PLEKHH2: variants seen among roughly 807,000 people sequenced by gnomAD.
PLEKHH2 encodes pleckstrin homology domain-containing family H member 2.
Under a neutral mutation model 187.9 loss-of-function variants are expected in PLEKHH2, and 129 were observed. The ratio of observed to expected loss-of-function variants is 0.69; its 90% CI spans 0.59 to 0.79. The LOEUF (loss-of-function observed/expected upper bound fraction) is 0.79, where lower values mean the gene tolerates loss of function less well. Ranked by LOEUF, PLEKHH2 falls within the 30% of genes least tolerant of loss-of-function variation. PLEKHH2 has a pLI of 0.00. For synonymous variants in PLEKHH2, 686 were observed against 605.6 expected (o/e 1.13, Z -1.95); for missense variants, 2,076 against 1,751.2 (o/e 1.19, Z -3.31).
intron 1 of PLEKHH2, among the ~76,000 whole-genome samples, chr2:43,640,674 T>A (rs562628820): frequency 1.3e-5 from 2 of 152,250 alleles, no homozygotes; most frequent in Non-Finnish European, 2.9e-5. Flanking sequence ...GACTTTGATT[T>A]GCATTTTCTC....
chr2:43,645,866 A>T (rs1666158951), intron 2 of PLEKHH2, among the ~76,000 whole-genome samples: 1 of 152,168 alleles, frequency 6.6e-6, no homozygotes, highest in African/African-American at 2.4e-5. Flanking sequence ...TTTCTGAAAC[A>T]CTAATCTGCA....
At chr2:43,704,126 A>T in intron 9 of PLEKHH2, 70 bp downstream of exon 9, 1 of 1,069,360 alleles carries the variant, frequency 9.4e-7, no homozygotes, top group Non-Finnish European at 1.4e-6. Flanking sequence ...GTATAATACA[A>T]ATACATGGTA....
In PLEKHH2 at chr2:43,699,912, C is replaced by G; in HGVS notation, c.954C>G (p.Ser318Arg). 6.2e-7 allele frequency: 1 copy of G among 1,614,100 alleles called. No homozygotes were observed. The highest frequency in any genetic ancestry group is 8.5e-7 in the Non-Finnish European group (1 of 1,180,008). ...SHTSEEGVQC[S>R]RMGSEMYLTA... ...CATCTGAGGAAGGGGTCCAGTGTAGCAGGATGGGAAGTGAAATGTATCTGA... is the reference window on the plus strand; with the variant it reads ...CATCTGAGGAAGGGGTCCAGTGTAGGAGGATGGGAAGTGAAATGTATCTGA... The change falls in exon 8 of 30, where the codon AGC becomes AGG. Residue 318 changes from serine (S) to arginine (R), a missense_variant. Physicochemically the swap from Ser to Arg is moderately radical, Grantham distance 110. Coordinates refer to ENST00000282406, the MANE Select transcript of PLEKHH2 (RefSeq NM_172069.4).
chr2:43,675,508 G>C, intron 2 of PLEKHH2: 5 of 1,614,006 alleles, frequency 3.1e-6, no homozygotes, highest in Non-Finnish European at 4.2e-6. Flanking sequence ...GAAAGTAATA[G>C]CCATATCTGA....
Position 43,678,743 on chromosome 2 carries a change from G to GGTGGAA in PLEKHH2, c.124-115_124-114insAGTGGA, listed in dbSNP as rs1201646841. On this transcript the variant is annotated intron_variant, in intron 2 of 29. Coordinates refer to ENST00000282406, the MANE Select transcript of PLEKHH2 (RefSeq NM_172069.4). ...GACCGTGGGTAGAGGTGGAAGTGGA[G>GGTGGAA]GTGGAGGTGGAGGTGGAGGTGGAGG... is the stretch of plus-strand genomic sequence containing the variant. The GGTGGAA allele has an allele frequency of 1.3e-5, 8 of 613,356 alleles. No individual in the cohort carries two copies. In the African/African-American group the frequency reaches 1.6e-4, roughly 12 times the overall value. 38.0% of individuals were successfully genotyped at this position (613,356 alleles called of 1,614,324 possible). A position where few individuals can be genotyped will look rare whatever the true frequency, so the allele number is the denominator to read the frequency against.
chr2:43,734,397 T>C (rs1671192371), intron 19 of PLEKHH2, among the ~76,000 whole-genome samples: 1 of 152,162 alleles, frequency 6.6e-6, no homozygotes, highest in African/African-American at 2.4e-5. Context: ...ATCATTCAAC[T>C]CAATAGCAAA....
At chr2:43,681,138 C>G in intron 3 of PLEKHH2, 2 of 780,828 alleles carry the variant, frequency 2.6e-6, no homozygotes, top group Non-Finnish European at 4.3e-6. Context: ...CAAGGAGCCT[C>G]CTGCAACACT....
intron 2 of PLEKHH2, among the ~76,000 whole-genome samples, chr2:43,667,010 C>A (rs920904396): frequency 6.6e-6 from 1 of 152,128 alleles, no homozygotes; most frequent in Non-Finnish European, 1.5e-5. Flanking sequence ...AAAACAGACA[C>A]TTAAAATGGG....
intron 2 of PLEKHH2, among the ~76,000 whole-genome samples, chr2:43,674,791 T>C (rs4497913): frequency 0.67 from 101,040 of 151,822 alleles, 34,397 homozygotes; most frequent in Middle Eastern, 0.73. Context: ...TCAAGACCAG[T>C]CTGACCAATA....
At chr2:43,736,164 A>G (rs190200759) in intron 19 of PLEKHH2, among the ~76,000 whole-genome samples, 1 of 152,328 alleles carries the variant, frequency 6.6e-6, no homozygotes, top group Non-Finnish European at 1.5e-5. Context: ...AAAACCCAAA[A>G]GAACAAACTA....
intron 3 of PLEKHH2, 40 bp from the exon 4 acceptor site, chr2:43,692,474 A>T (rs1311229599): frequency 1.3e-6 from 2 of 1,485,742 alleles, no homozygotes; most frequent in African/African-American, 1.4e-5. Context: ...TGATAACCTG[A>T]GTACACACAC....
intron 3 of PLEKHH2, among the ~76,000 whole-genome samples, chr2:43,686,918 G>A (rs887384912): frequency 6.6e-6 from 1 of 151,990 alleles, no homozygotes; most frequent in African/African-American, 2.4e-5. Flanking sequence ...GCAAAGATCC[G>A]TGTGTCCCTC....
intron 2 of PLEKHH2, among the ~76,000 whole-genome samples, chr2:43,654,909 C>G (rs1666675353): frequency 6.6e-6 from 1 of 152,104 alleles, no homozygotes; most frequent in South Asian, 2.1e-4. Context: ...CGCCAGTAGT[C>G]CCAGCTACTC....
Position 43,697,188 on chromosome 2 carries a change from T to C in PLEKHH2, c.520T>C (p.Ser174Pro), listed in dbSNP as rs746212226. 1.3e-6 allele frequency: 2 copies of C among 1,577,850 alleles called. No individual in the cohort carries two copies. The highest frequency in any genetic ancestry group is 1.7e-6 in the Non-Finnish European group (2 of 1,166,878). Reference protein sequence around the residue: ...SKLQEVQGKKSSTVSTLKLSE... With the variant: ...SKLQEVQGKKPSTVSTLKLSE... ...TGTTGTAGAAGTTCAAGGAAAGAAG[T>C]CATCCACTGTCTCTACACTAAAGCT... The change falls in exon 7 of 30, where the codon TCA becomes CCA. Residue 174 changes from serine to proline, a missense_variant. Physicochemically the swap from Ser to Pro is moderately conservative, Grantham distance 74. Transcript: ENST00000282406.
intron 2 of PLEKHH2, among the ~76,000 whole-genome samples, chr2:43,653,828 G>GAA (rs147743688): frequency 6.6e-6 from 1 of 151,790 alleles, no homozygotes; most frequent in African/African-American, 2.4e-5. Flanking sequence ...TTAACTCTAG[G>GAA]AAAAAAAAGA....
chr2:43,743,023 C>G, intron 22 of PLEKHH2, 105 bp downstream of exon 22: 3 of 839,202 alleles, frequency 3.6e-6, no homozygotes, highest in Non-Finnish European at 5.1e-6. Flanking sequence ...CTGGCAGTGA[C>G]AAACATGCAA....
intron 27 of PLEKHH2, among the ~76,000 whole-genome samples, chr2:43,761,252 T>A (rs1672417213): frequency 6.6e-6 from 1 of 151,968 alleles, no homozygotes; most frequent in African/African-American, 2.4e-5. Context: ...ATAGTTAAGA[T>A]TTTTTTTAGG....
At chr2:43,712,690 ATTTAACACGTTT>A (rs1195226368) in intron 15 of PLEKHH2, among the ~76,000 whole-genome samples, 1 of 152,190 alleles carries the variant, frequency 6.6e-6, no homozygotes, top group Non-Finnish European at 1.5e-5. Context: ...TATCATTAAT[ATTTAACACGTTT>A]TTTTCTAATC....
In PLEKHH2 at chr2:43,731,547, C is replaced by T. The variant is rs755739867; in HGVS notation, c.2888C>T (p.Pro963Leu). The T allele has an allele frequency of 1.2e-6, 2 of 1,606,846 alleles. No individual in the cohort carries two copies. Among genetic ancestry groups the T allele is most frequent in the South Asian group, 2.2e-5 (2 of 90,670 alleles). ...CACAGTAAAGAAGGAATCATTTCCCCTCTGACAACTCTACCTTCCGAAGCC... is the reference window on the plus strand; with the variant it reads ...CACAGTAAAGAAGGAATCATTTCCCTTCTGACAACTCTACCTTCCGAAGCC... Reference protein sequence around the residue: ...LCHSKEGIISPLTTLPSEALQ... With the variant: ...LCHSKEGIISLLTTLPSEALQ... The change falls in exon 19 of 30, where the codon CCT becomes CTT. Residue 963 changes from proline (P) to leucine (L), a missense_variant. Transcript: ENST00000282406.
Sources: gnomAD v4.1 joint callset for allele counts (sites outside exome capture counted in the v4.1 genomes callset) on GRCh38, gnomAD v4.1.1 for gene constraint, MANE v1.5 for transcripts, NCBI Gene and HGNC (gene_info 2026-07-23, HGNC 2026-07-21) for gene names.